The following DDOST variants were observed in gnomAD, a reference collection of about 807,000 sequenced individuals.
The protein encoded by DDOST is dolichyl-diphosphooligosaccharide--protein glycosyltransferase 48 kDa subunit.
In DDOST, 25 loss-of-function variants were observed where a neutral mutation model predicts 47.6. That is an observed-to-expected ratio of 0.53 (90% CI 0.38 to 0.73). The LOEUF (loss-of-function observed/expected upper bound fraction) is 0.73, where lower values mean the gene tolerates loss of function less well. Among genes scored for constraint, DDOST ranks in the 30% least tolerant of loss-of-function variants. The pLI, the probability that DDOST is intolerant of heterozygous loss-of-function variation, is 0.00. For missense variants in DDOST, 526 were observed against 573.9 expected, an observed-to-expected ratio of 0.92 and a Z score of 0.85; for synonymous variants, 275 against 236.0, an observed-to-expected ratio of 1.17 and a Z score of -1.51.
rs369105590 is a variant in DDOST, at chr1:20,653,754, T to C, written c.815A>G (p.Tyr272Cys). The C allele has an allele frequency of 4.3e-5, 70 of 1,613,566 alleles. No individual in the cohort carries two copies. Among genetic ancestry groups the C allele is most frequent in the South Asian group, 3.1e-4 (28 of 91,062 alleles). Reference sequence around the variant, plus strand: ...GCGGGAGAGGGCCACAGCTAGTTCATAGTTGCCTGTCTGGGAATACCTGCA... The same window carrying C: ...GCGGGAGAGGGCCACAGCTAGTTCACAGTTGCCTGTCTGGGAATACCTGCA... ...GSQRYSQTGN[Y>C]ELAVALSRWV... The change falls in exon 8 of 11, where the codon TAT becomes TGT. Residue 272 changes from tyrosine (Y) to cysteine (C), a missense_variant. Coordinates refer to ENST00000602624, the MANE Select transcript of DDOST (RefSeq NM_005216.5).
intron 2 of DDOST, among the ~76,000 whole-genome samples, chr1:20,656,730 A>C (rs1201677386): frequency 6.6e-6 from 1 of 152,208 alleles, no homozygotes; most frequent in Non-Finnish European, 1.5e-5. Flanking sequence ...CATGACATCC[A>C]CAACAGAGCT....
Position 20,661,288 on chromosome 1 carries a change from G to C in DDOST, c.63C>G (p.Gly21=). Residue 21 remains glycine, a synonymous_variant, in exon 1 of 11, where the codon GGC becomes GGG. Transcript: ENST00000602624. The stretch of plus-strand genomic sequence containing the variant: ...TGCGGGGTCCGCTGGCGCAAACCGC[G>C]CCAAGCAAGGGCAGCAGCAACCAAA... ...ALFWLLLPLL[G]AVCASGPRTL... The C allele has an allele frequency of 6.2e-7, 1 of 1,613,912 alleles. No homozygotes were observed. Among genetic ancestry groups the C allele is most frequent in the African/African-American group, 1.3e-5 (1 of 75,064 alleles).
Position 20,654,206 on chromosome 1 carries a change from A to C in DDOST, c.794+17T>G. ...GCACCACCCGGATCCCCGGCCCCTA[A>C]GCCTCCTGGCAGCTACCTCTGGGAG... On this transcript the variant is annotated intron_variant, in intron 7 of 10. Transcript: ENST00000602624. The C allele has an allele frequency of 6.5e-7, 1 of 1,550,010 alleles. No homozygotes were observed. Among genetic ancestry groups the C allele is most frequent in the Non-Finnish European group, 8.7e-7 (1 of 1,146,856 alleles).
At chr1:20,652,584 A>G (rs2053307066) in intron 10 of DDOST, 37 bp downstream of exon 10, 2 of 1,614,070 alleles carry the variant, frequency 1.2e-6, no homozygotes, top group South Asian at 1.1e-5. Context: ...GGCAGGGCAC[A>G]TGCTAGCTGA....
In DDOST at chr1:20,652,832, G is replaced by T. The variant is rs755396887; in HGVS notation, c.1063+19C>A. On this transcript the variant is annotated intron_variant, in intron 9 of 10. Transcript: ENST00000602624. ...TGGGGCCGTTTCTGGCAGCATCCTC[G>T]TGCAGGAACTACACTCACCTTTCTT... is the stretch of plus-strand genomic sequence containing the variant. 1 of 1,614,056 alleles carries T rather than the reference G, an allele frequency of 6.2e-7. No individual in the cohort carries two copies. The highest frequency in any genetic ancestry group is 8.5e-7 in the Non-Finnish European group (1 of 1,179,938).
intron 2 of DDOST, among the ~76,000 whole-genome samples, chr1:20,659,893 A>G (rs2053417212): frequency 6.6e-6 from 1 of 152,188 alleles, no homozygotes; most frequent in Admixed American, 6.5e-5. Flanking sequence ...TGGGGGACAA[A>G]GCAAGACCCT....
chr1:20,658,104 G>A (rs1029236269), intron 2 of DDOST, among the ~76,000 whole-genome samples: 2 of 152,222 alleles, frequency 1.3e-5, no homozygotes, highest in African/African-American at 2.4e-5. Context: ...GACAGAACAC[G>A]GGCTTTGAAA....
In DDOST at chr1:20,652,108, A is replaced by G. The variant is rs1029581981; in HGVS notation, c.*271T>C. 1.1e-4 allele frequency: 30 copies of G among 277,886 alleles called. No individual in the cohort carries two copies. Among genetic ancestry groups the G allele is most frequent in the African/African-American group, 6.0e-4 (27 of 44,868 alleles). The allele number at this position is 277,886 out of a possible 1,614,324, so 17.2% of individuals were successfully genotyped here. On this transcript the variant is annotated 3_prime_UTR_variant, in exon 11 of 11. Coordinates refer to ENST00000602624, the MANE Select transcript of DDOST (RefSeq NM_005216.5). Reference sequence around the variant, plus strand: ...CCAAAGTGCTGGGATTACAGGCATGAGCCACCGTGCCTGGCCACGTCCCTA... The same window carrying G: ...CCAAAGTGCTGGGATTACAGGCATGGGCCACCGTGCCTGGCCACGTCCCTA...
chr1:20,659,922 A>G (rs910134983), intron 2 of DDOST, among the ~76,000 whole-genome samples: 4 of 152,150 alleles, frequency 2.6e-5, no homozygotes, highest in African/African-American at 9.7e-5. Context: ...AAAACAAACA[A>G]ACAAAAAAGG....
rs1274623814 is a variant in DDOST at position 20,661,263 on chromosome 1, T to C, written c.88A>G (p.Thr30Ala). 1 of 1,613,960 alleles carries C rather than the reference T, an allele frequency of 6.2e-7. No homozygotes were observed. The highest frequency in any genetic ancestry group is 2.2e-5 in the East Asian group (1 of 44,874). The stretch of plus-strand genomic sequence containing the variant: ...TTGAGGTTGTCCAGCAGCACTAAGG[T>C]GCGGGGTCCGCTGGCGCAAACCGCG... ...LGAVCASGPR[T>A]LVLLDNLNVR... The change falls in exon 1 of 11, where the codon ACC becomes GCC. Residue 30 changes from threonine to alanine, a missense_variant. Transcript: ENST00000602624.
At chr1:20,657,546 G>T (rs186316479) in intron 2 of DDOST, among the ~76,000 whole-genome samples, 4 of 152,136 alleles carry the variant, frequency 2.6e-5, no homozygotes, top group Admixed American at 2.0e-4. Context: ...CTGATGCTTC[G>T]ACAGGGGCAT....
chr1:20,654,157 G>A (rs2053335469), intron 7 of DDOST, 66 bp downstream of exon 7: 1 of 1,517,540 alleles, frequency 6.6e-7, no homozygotes, highest in African/African-American at 1.4e-5. Context: ...TTCCCCTTCT[G>A]AGTCCTCCCC....
At chr1:20,654,807 T>C (rs2053349899) in intron 5 of DDOST, 100 bp from the exon 6 acceptor site, 1 of 763,658 alleles carries the variant, frequency 1.3e-6, no homozygotes, top group Non-Finnish European at 2.2e-6. Context: ...AATCCTTTTT[T>C]CTTAATTGCC....
At position 20,661,241 on chromosome 1, in the gene DDOST, A is replaced by G; in HGVS notation, c.110T>C (p.Leu37Pro). ...AAGCGAATGAGTCTCCCGCACGTTGAGGTTGTCCAGCAGCACTAAGGTGCG... is the reference window on the plus strand; with the variant it reads ...AAGCGAATGAGTCTCCCGCACGTTGGGGTTGTCCAGCAGCACTAAGGTGCG... ...GPRTLVLLDNLNVRETHSLFF... is the reference protein window; with the variant it reads ...GPRTLVLLDNPNVRETHSLFF... The change falls in exon 1 of 11, where the codon CTC (leucine) becomes CCC (proline). Residue 37 changes from leucine (L) to proline (P), a missense_variant. Coordinates refer to ENST00000602624, the MANE Select transcript of DDOST (RefSeq NM_005216.5). 1 of 1,614,056 alleles carries G rather than the reference A, an allele frequency of 6.2e-7. No homozygotes were observed. The highest frequency in any genetic ancestry group is 8.5e-7 in the Non-Finnish European group (1 of 1,180,032).
At chr1:20,653,047 T>C in intron 8 of DDOST, 76 bp from the exon 9 acceptor site, 6 of 1,584,978 alleles carry the variant, frequency 3.8e-6, no homozygotes, top group Non-Finnish European at 5.2e-6. Flanking sequence ...GAGCTGCACT[T>C]AATTCCCACC....
intron 2 of DDOST, among the ~76,000 whole-genome samples, chr1:20,658,663 A>G (rs2053402159): frequency 6.6e-6 from 1 of 152,198 alleles, no homozygotes; most frequent in Non-Finnish European, 1.5e-5. Context: ...TCCTTTTTCA[A>G]GAGGGAACCT....
chr1:20,654,338 TGAG>T lies in DDOST; in HGVS notation c.676_678del (p.Leu226del), dbSNP rs2053340817. ...TTGTTCCTGGCCTGGAGCCCAGCAA[TGAG>T]GAGGGTGTTCTTCCCCACCGCATGT... On this transcript the variant is annotated inframe_deletion, in exon 7 of 11. Coordinates refer to ENST00000602624, the MANE Select transcript of DDOST (RefSeq NM_005216.5). The T allele has an allele frequency of 5.1e-6, 8 of 1,558,516 alleles. No individual in the cohort carries two copies. The highest frequency in any genetic ancestry group is 7.0e-6 in the Non-Finnish European group (8 of 1,150,282).
intron 6 of DDOST, 46 bp downstream of exon 6, chr1:20,654,568 T>TGG: frequency 1.3e-6 from 2 of 1,502,526 alleles, no homozygotes; most frequent in Non-Finnish European, 1.8e-6. Context: ...AATGTGCTGT[T>TGG]CTGCTTCATT....
At chr1:20,654,914 C>T (rs1168120214) in intron 5 of DDOST, among the ~76,000 whole-genome samples, 1 of 152,184 alleles carries the variant, frequency 6.6e-6, no homozygotes, top group Non-Finnish European at 1.5e-5. Context: ...GGCTGGAGTG[C>T]AGTGGCACAA....
Sources: allele counts gnomAD v4.1 joint callset (sites outside exome capture counted in the v4.1 genomes callset), GRCh38; gene constraint gnomAD v4.1.1; transcripts MANE v1.5; gene names NCBI Gene and HGNC (gene_info 2026-07-23, HGNC 2026-07-21).